The following DUSP14 variants were observed in gnomAD, a reference collection of about 807,000 sequenced individuals.
DUSP14 encodes the protein dual specificity protein phosphatase 14.
Under a neutral mutation model 13.2 loss-of-function variants are expected in DUSP14, and 5 were observed. That is an observed-to-expected ratio of 0.38 (90% CI 0.20 to 0.80). The LOEUF is 0.80. Among genes scored for constraint, DUSP14 ranks in the 30% least tolerant of loss-of-function variants. DUSP14 has a pLI of 0.44. For missense variants in DUSP14, 185 were observed against 264.0 expected (o/e 0.70, Z 2.07); for synonymous variants, 91 against 103.4 (o/e 0.88, Z 0.73).
intron 1 of DUSP14, among the ~76,000 whole-genome samples, chr17:37,497,754 AAAAGAC>A: frequency 2.0e-5 from 3 of 151,520 alleles, no homozygotes; most frequent in African/African-American, 7.3e-5. Flanking sequence ...AAAAAAAAAA[AAAAGAC>A]AAGACAAGAC....
chr17:37,501,527 CT>C (rs562607262), intron 1 of DUSP14, among the ~76,000 whole-genome samples: 16 of 148,208 alleles, frequency 1.1e-4, no homozygotes, highest in Admixed American at 2.0e-4. Flanking sequence ...ACAGGAGGCT[CT>C]TTTTTTTTTA....
intron 2 of DUSP14, among the ~76,000 whole-genome samples, chr17:37,511,584 C>CTTTTTTTTT (rs2054185738): frequency 6.6e-5 from 3 of 45,516 alleles, no homozygotes; most frequent in African/African-American, 2.3e-4. Context: ...CCTGGCCTTT[C>CTTTTTTTTT]CTTTTTTTTT....
At chr17:37,504,482 G>A (rs1301815500) in intron 1 of DUSP14, among the ~76,000 whole-genome samples, 1 of 152,186 alleles carries the variant, frequency 6.6e-6, no homozygotes, top group Non-Finnish European at 1.5e-5. Context: ...AGTGAGAAAA[G>A]CAAAAACGAT....
chr17:37,506,246 CAG>C (rs2054137209), intron 1 of DUSP14, among the ~76,000 whole-genome samples: 1 of 151,890 alleles, frequency 6.6e-6, no homozygotes, highest in African/African-American at 2.4e-5. Context: ...GTCTGGGTGA[CAG>C]AGAGAGACTC....
At chr17:37,495,077 T>A (rs2054054711) in intron 1 of DUSP14, among the ~76,000 whole-genome samples, 1 of 152,200 alleles carries the variant, frequency 6.6e-6, no homozygotes, top group South Asian at 2.1e-4. Flanking sequence ...TATGAGAACC[T>A]GTTGATCTGA....
At chr17:37,502,954 T>G (rs562146707) in intron 1 of DUSP14, among the ~76,000 whole-genome samples, 3 of 152,310 alleles carry the variant, frequency 2.0e-5, no homozygotes, top group Admixed American at 1.3e-4. Context: ...CCCTACAACC[T>G]TGAACTCCTG....
In DUSP14 at chr17:37,512,441, G is replaced by A. The variant is rs781485568; in HGVS notation, c.169G>A (p.Val57Ile). 1 of 1,614,164 alleles carries A rather than the reference G, an allele frequency of 6.2e-7. No individual in the cohort carries two copies. The change falls in exon 3 of 3, where the codon GTT becomes ATT. Residue 57 changes from valine (V) to isoleucine (I), a missense_variant. Val to Ile is a conservative substitution (Grantham distance 29). Coordinates refer to ENST00000617516, the MANE Select transcript of DUSP14 (RefSeq NM_007026.4). This position sits in a 1 kb window ranked among gnomAD's most constrained non-coding sequence, Gnocchi z 4.8. ...LLQARGITCI[V>I]NATIEIPNFN... is the part of the protein sequence containing the mutation. Reference sequence around the variant, plus strand: ...CCAGGCTCGTGGCATCACCTGCATTGTTAATGCTACCATTGAGATCCCTAA... The same window carrying A: ...CCAGGCTCGTGGCATCACCTGCATTATTAATGCTACCATTGAGATCCCTAA...
intron 1 of DUSP14, among the ~76,000 whole-genome samples, chr17:37,497,229 G>A (rs1366185533): frequency 1.3e-5 from 2 of 151,654 alleles, no homozygotes; most frequent in Non-Finnish European, 2.9e-5. Context: ...TGCAACCTCC[G>A]CCCTCCAGGT....
At chr17:37,508,562 C>T (rs1039910696) in intron 1 of DUSP14, among the ~76,000 whole-genome samples, 4 of 151,892 alleles carry the variant, frequency 2.6e-5, no homozygotes, top group South Asian at 2.1e-4. Context: ...GGCAAAACTC[C>T]GTCTCTACTT....
intron 1 of DUSP14, among the ~76,000 whole-genome samples, chr17:37,503,396 A>G (rs556568025): frequency 1.3e-4 from 20 of 152,320 alleles, no homozygotes; most frequent in African/African-American, 4.6e-4. Context: ...ACTGCACTCC[A>G]GCCTGGGCTA....
Position 37,510,312 on chromosome 17 carries a change from G to A in DUSP14, c.-180-365G>A, listed in dbSNP as rs150867816. 353 of 152,398 alleles carry A rather than the reference G, an allele frequency of 2.3e-3. 2 individuals are homozygous for A. The highest frequency in any genetic ancestry group is 1.5e-3 in the Non-Finnish European group (104 of 68,088). 9.4% of individuals were successfully genotyped at this position (152,398 alleles called of 1,614,324 possible). ...CCTTCCCACTGCAGGGCTGGCTAAC[G>A]GTGCATGGAAGAGACTCGAGTCCGT... On this transcript the variant is annotated intron_variant, in intron 1 of 2. Transcript: ENST00000617516.
chr17:37,500,298 C>T (rs1344261783), intron 1 of DUSP14, among the ~76,000 whole-genome samples: 1 of 152,108 alleles, frequency 6.6e-6, no homozygotes, highest in African/African-American at 2.4e-5. Context: ...GGTTGAAACT[C>T]TCCGCTGGAG....
intron 1 of DUSP14, among the ~76,000 whole-genome samples, chr17:37,499,818 C>T (rs2054093739): frequency 6.6e-6 from 1 of 152,252 alleles, no homozygotes; most frequent in African/African-American, 2.4e-5. Context: ...GCGTGAGCCA[C>T]CATGCCCAGC....
At chr17:37,500,804 A>G (rs1275579836) in intron 1 of DUSP14, among the ~76,000 whole-genome samples, 2 of 152,148 alleles carry the variant, frequency 1.3e-5, no homozygotes, top group Non-Finnish European at 2.9e-5. Flanking sequence ...GATATTTCAC[A>G]CCCGAAGACC....
chr17:37,504,861 G>A (rs2054127871), intron 1 of DUSP14, among the ~76,000 whole-genome samples: 1 of 152,104 alleles, frequency 6.6e-6, no homozygotes. Flanking sequence ...GATTACAGTT[G>A]TGAGCCACTG....
intron 1 of DUSP14, among the ~76,000 whole-genome samples, chr17:37,509,146 C>T (rs1252306710): frequency 0.16 from 7,060 of 43,776 alleles, 1,509 homozygotes; most frequent in East Asian, 0.8. Context: ...CACACACACA[C>T]ACACACACAC....
At chr17:37,509,243 C>CTATA (rs71135736) in intron 1 of DUSP14, among the ~76,000 whole-genome samples, 6 of 44,812 alleles carry the variant, frequency 1.3e-4, no homozygotes, top group African/African-American at 1.7e-4. Context: ...TATATACACA[C>CTATA]TATATATATA....
At chr17:37,493,994 C>CTTTTT (rs1250993098) in intron 1 of DUSP14, among the ~76,000 whole-genome samples, 1 of 140,148 alleles carries the variant, frequency 7.1e-6, no homozygotes, top group African/African-American at 2.7e-5. Context: ...CTCTTTTAAA[C>CTTTTT]TTTTTTTTTT....
chr17:37,494,672 G>T (rs1292113655), intron 1 of DUSP14, among the ~76,000 whole-genome samples: 3 of 152,146 alleles, frequency 2.0e-5, no homozygotes, highest in East Asian at 3.8e-4. Flanking sequence ...TCACCTGAGG[G>T]CAGCCGTTAA....
Sources: gnomAD v4.1 joint callset for allele counts (sites outside exome capture counted in the v4.1 genomes callset) on GRCh38, gnomAD v4.1.1 for gene constraint, Gnocchi (gnomAD v3.1) non-coding constraint, MANE v1.5 for transcripts, NCBI Gene and HGNC (gene_info 2026-07-23, HGNC 2026-07-21) for gene names.